TRPV4: variants seen among roughly 807,000 people sequenced by gnomAD.
TRPV4 encodes the protein OSM9-like transient receptor potential channel 4.
TRPV4 carries 58 observed loss-of-function variants against 84.1 expected under a neutral mutation model. The ratio of observed to expected loss-of-function variants is 0.69; its 90% CI spans 0.56 to 0.86. TRPV4 has a LOEUF of 0.86. Ranked by LOEUF, TRPV4 falls within the 40% of genes least tolerant of loss-of-function variation. The pLI is 0.00. For synonymous variants in TRPV4, 489 were observed against 500.9 expected, an observed-to-expected ratio of 0.98 and a Z score of 0.32; for missense variants, 879 against 1,181.1, an observed-to-expected ratio of 0.74 and a Z score of 3.75.
intron 1 of TRPV4, among the ~76,000 whole-genome samples, chr12:109,828,325 G>A (rs986228198): frequency 1.2e-4 from 18 of 152,152 alleles, no homozygotes; most frequent in Non-Finnish European, 1.8e-4. Context: ...TCACACAGCC[G>A]GCAGTGGCCA....
At position 109,787,009 on chromosome 12, in the gene TRPV4, A is replaced by C. The variant is rs145424363; in HGVS notation, c.2209-172T>G. 2.9e-3 allele frequency among the ~76,000 whole-genome samples: 437 copies of C among 152,356 alleles called. 1 individual carries two copies. Among genetic ancestry groups the C allele is most frequent in the African/African-American group, 0.01 (423 of 41,586 alleles). ...ACTCAAATACCCACAGGTGGCAGGCAGGAAAACAAATGGGTGAAACAGGAT... is the reference window on the plus strand; with the variant it reads ...ACTCAAATACCCACAGGTGGCAGGCCGGAAAACAAATGGGTGAAACAGGAT... On this transcript the variant is annotated intron_variant, in intron 13 of 15. Transcript: ENST00000261740.
intron 1 of TRPV4, among the ~76,000 whole-genome samples, chr12:109,822,052 G>A (rs146190250): frequency 4.7e-4 from 71 of 152,244 alleles, no homozygotes; most frequent in African/African-American, 1.6e-3. Flanking sequence ...ATGGGGAGGG[G>A]GAAAGGCTGT....
At chr12:109,827,811 T>C (rs769170117) in intron 1 of TRPV4, among the ~76,000 whole-genome samples, 2 of 151,004 alleles carry the variant, frequency 1.3e-5, no homozygotes, top group Non-Finnish European at 2.9e-5. Context: ...GTCATACATA[T>C]ACACACATAC....
intron 2 of TRPV4, among the ~76,000 whole-genome samples, chr12:109,813,167 T>A (rs999439531): frequency 6.6e-6 from 1 of 152,066 alleles, no homozygotes; most frequent in African/African-American, 2.4e-5. Flanking sequence ...ATCCCAGCAC[T>A]TTGGGAGGCC....
intron 2 of TRPV4, among the ~76,000 whole-genome samples, chr12:109,812,766 CAG>C (rs1891600952): frequency 6.6e-6 from 1 of 152,070 alleles, no homozygotes; most frequent in Non-Finnish European, 1.5e-5. Flanking sequence ...TGACTAGAAA[CAG>C]TGGGTAGGTG....
intron 2 of TRPV4, among the ~76,000 whole-genome samples, chr12:109,811,525 G>A (rs1047007603): frequency 1.3e-5 from 2 of 152,146 alleles, no homozygotes; most frequent in African/African-American, 4.8e-5. Context: ...GGTTGTGGTC[G>A]TGCACACCTG....
At chr12:109,809,545 T>C (rs1891389314) in intron 2 of TRPV4, among the ~76,000 whole-genome samples, 1 of 144,472 alleles carries the variant, frequency 6.9e-6, no homozygotes, top group Middle Eastern at 3.9e-3. Flanking sequence ...CATCCATCCA[T>C]CCACCCACTC....
At chr12:109,792,294 A>T in intron 12 of TRPV4, 69 bp downstream of exon 12, 1 of 1,336,344 alleles carries the variant, frequency 7.5e-7, no homozygotes, top group Non-Finnish European at 1.1e-6. Flanking sequence ...ATTGTCCCCT[A>T]TACATCATGG....
intron 1 of TRPV4, among the ~76,000 whole-genome samples, chr12:109,822,763 GA>G (rs373820174): frequency 6.6e-6 from 1 of 152,120 alleles, no homozygotes; most frequent in African/African-American, 2.4e-5. Context: ...TTCCTCACCT[GA>G]AAAATGGCAA....
chr12:109,823,962 C>T (rs117187014), intron 1 of TRPV4, among the ~76,000 whole-genome samples: 14,649 of 133,670 alleles, frequency 0.11, 1,002 homozygotes, highest in South Asian at 0.29. Context: ...TGTGTGTGTG[C>T]GCATGTGTGT....
chr12:109,797,647 T>C, intron 6 of TRPV4, among the ~76,000 whole-genome samples: 1 of 152,234 alleles, frequency 6.6e-6, no homozygotes, highest in East Asian at 1.9e-4. Flanking sequence ...GGAGCCTTTC[T>C]ACTGCCTCAG....
intron 1 of TRPV4, among the ~76,000 whole-genome samples, chr12:109,832,024 C>T (rs1299806771): frequency 2.6e-5 from 4 of 152,226 alleles, no homozygotes; most frequent in Non-Finnish European, 4.4e-5. Context: ...ACTGGTTAAA[C>T]ATTGATGGCA....
chr12:109,790,813 G>A (rs1889978790), intron 12 of TRPV4, among the ~76,000 whole-genome samples: 1 of 152,210 alleles, frequency 6.6e-6, no homozygotes, highest in African/African-American at 2.4e-5. Flanking sequence ...ACAGAGTAAG[G>A]CAGCAGTGAT....
chr12:109,827,755 T>C (rs865911209), intron 1 of TRPV4, among the ~76,000 whole-genome samples: 1 of 146,676 alleles, frequency 6.8e-6, no homozygotes, highest in African/African-American at 2.5e-5. Context: ...GACATACATA[T>C]ACACACATAC....
In TRPV4 at chr12:109,814,419, C is replaced by A; in HGVS notation, c.378G>T (p.Lys126Asn). The A allele has an allele frequency of 6.2e-7, 1 of 1,613,998 alleles. No individual in the cohort carries two copies. The highest frequency in any genetic ancestry group is 8.5e-7 in the Non-Finnish European group (1 of 1,179,970). ...HSSDNKRWRK[K>N]IIEKQPQSPK... ...AAGCTAACAATACTCACTCTATGATCTTCTTCCTCCACCTCTTGTTGTCAC... is the reference window on the plus strand; with the variant it reads ...AAGCTAACAATACTCACTCTATGATATTCTTCCTCCACCTCTTGTTGTCAC... The change falls in exon 2 of 16, where the codon AAG (lysine) becomes AAT (asparagine). Residue 126 changes from lysine (K) to asparagine (N), a missense_variant. Around this residue, in one of 4 missense-constraint regions of TRPV4, gnomAD observed 521 missense variants for 686.6 expected, o/e 0.76. Transcript: ENST00000261740. This position sits in a 1 kb window ranked among gnomAD's most constrained non-coding sequence, Gnocchi z 5.4.
In TRPV4 at chr12:109,793,897, G is replaced by A. The variant is rs1486114237; in HGVS notation, c.1584+33C>T. 2 of 1,507,918 alleles carry A rather than the reference G, an allele frequency of 1.3e-6. No individual in the cohort carries two copies. Among genetic ancestry groups the A allele is most frequent in the African/African-American group, 2.7e-5 (2 of 72,982 alleles). The allele number at this position is 1,507,918 out of a possible 1,614,324, so 93.4% of individuals were successfully genotyped here. A position where few individuals can be genotyped will look rare whatever the true frequency, so the allele number is the denominator to read the frequency against. On this transcript the variant is annotated intron_variant, in intron 9 of 15. Coordinates refer to ENST00000261740, the MANE Select transcript of TRPV4 (RefSeq NM_021625.5). The surrounding 1 kb of genome is among the most constrained non-coding windows in gnomAD (Gnocchi z 4.0). ...GTGCAGGAAGAGAAGAGGAGGGCAG[G>A]CAGGGTGGGGGGCACGGGGGCCAGG...
At chr12:109,787,497 G>A (rs1007941788) in intron 13 of TRPV4, among the ~76,000 whole-genome samples, 3 of 152,080 alleles carry the variant, frequency 2.0e-5, no homozygotes, top group South Asian at 4.1e-4. Context: ...CCAGCTACTC[G>A]GGAGGCTGAG....
rs1193520233 is a variant in TRPV4 at position 109,792,357 on chromosome 12, G to A, written c.1891+6C>T. 3 of 1,612,920 alleles carry A rather than the reference G, an allele frequency of 1.9e-6. No homozygotes were observed. The highest frequency in any genetic ancestry group is 1.7e-4 in the Middle Eastern group (1 of 6,056). On this transcript the variant is annotated splice_donor_region_variant and intron_variant, in intron 12 of 15. Coordinates refer to ENST00000261740, the MANE Select transcript of TRPV4 (RefSeq NM_021625.5). ...TGCCAGGACCACCTGAGCACCCAGA[G>A]CTCACCTGAAGCGTAGCCGATCATG...
At position 109,800,774 on chromosome 12, in the gene TRPV4, G is replaced by A. The variant is rs777854437; in HGVS notation, c.713-16C>T. The A allele has an allele frequency of 1.1e-5, 18 of 1,612,232 alleles. No homozygotes were observed. Among genetic ancestry groups the A allele is most frequent in the South Asian group, 4.4e-5 (4 of 91,068 alleles). ...GCTGTCTGACCTGGGGGCAGGGGACGGTCATCCAGGGTCCTGGCGGAGCAG... is the reference window on the plus strand; with the variant it reads ...GCTGTCTGACCTGGGGGCAGGGGACAGTCATCCAGGGTCCTGGCGGAGCAG... On this transcript the variant is annotated splice_polypyrimidine_tract_variant and intron_variant, in intron 4 of 15. Transcript: ENST00000261740.
Sources: allele counts gnomAD v4.1 joint callset (sites outside exome capture counted in the v4.1 genomes callset), GRCh38; gene constraint gnomAD v4.1.1; regional missense constraint gnomAD v4.1.1; non-coding constraint Gnocchi (gnomAD v3.1); transcripts MANE v1.5; gene names NCBI Gene and HGNC (gene_info 2026-07-23, HGNC 2026-07-21).